Variants in CATSPERE observed in about 807,000 individuals in gnomAD.
CATSPERE encodes the protein cation channel sperm-associated auxiliary subunit epsilon.
A neutral mutation model predicts 114.1 loss-of-function variants in CATSPERE; 93 were observed. The observed-to-expected ratio is 0.81, with a 90% CI of 0.69 to 0.97. CATSPERE has a LOEUF of 0.97. Ranked by LOEUF, CATSPERE falls within the 50% of genes least tolerant of loss-of-function variation. The pLI, the probability that CATSPERE is intolerant of heterozygous loss-of-function variation, is 0.00. For synonymous variants in CATSPERE, 341 were observed against 384.1 expected, an observed-to-expected ratio of 0.89 and a Z score of 1.31; for missense variants, 1,058 against 1,131.6, an observed-to-expected ratio of 0.93 and a Z score of 0.93.
chr1:244,589,249 T>C (rs1382358231), intron 14 of CATSPERE, among the ~76,000 whole-genome samples: 1 of 152,156 alleles, frequency 6.6e-6, no homozygotes, highest in Non-Finnish European at 1.5e-5. Flanking sequence ...CGGGGAACAT[T>C]GACTCTTATC....
At position 244,487,986 on chromosome 1, in the gene CATSPERE, A is replaced by T. The variant is rs560548975; in HGVS notation, c.327-2461A>T. 2.0e-5 allele frequency among the ~76,000 whole-genome samples: 3 copies of T among 152,288 alleles called. No homozygotes were observed. In the South Asian group the frequency reaches 6.2e-4, roughly 32 times the overall value. On this transcript the variant is annotated intron_variant, in intron 5 of 21. Transcript: ENST00000366534. ...CTCGACACCTATTGACTCTGCCCCC[A>T]AACCAGAGTTCTGACACTAGAAAGA...
intron 11 of CATSPERE, among the ~76,000 whole-genome samples, chr1:244,578,728 T>C (rs999579638): frequency 4.7e-5 from 7 of 149,256 alleles, no homozygotes; most frequent in East Asian, 2.0e-4. Context: ...TATATATATA[T>C]ACACACACAT....
At chr1:244,618,489 A>G (rs1021645563) in intron 20 of CATSPERE, among the ~76,000 whole-genome samples, 1 of 152,198 alleles carries the variant, frequency 6.6e-6, no homozygotes, top group African/African-American at 2.4e-5. Flanking sequence ...AATGGTGCAG[A>G]AGAAAAATAG....
intron 8 of CATSPERE, among the ~76,000 whole-genome samples, chr1:244,543,814 A>G (rs1659281182): frequency 6.6e-6 from 1 of 151,946 alleles, no homozygotes; most frequent in Admixed American, 6.6e-5. Flanking sequence ...ACCTACTTAA[A>G]AGAACTTATA....
chr1:244,452,002 A>AG (rs1055501344), upstream of CATSPERE: 15 of 558,428 alleles, frequency 2.7e-5, no homozygotes, highest in Non-Finnish European at 4.1e-5. Flanking sequence ...AGCCCGCTCA[A>AG]GGGGGTACCA....
Position 244,530,731 on chromosome 1 carries a change from A to G in CATSPERE, c.536+12033A>G, listed in dbSNP as rs185713917. 2.2e-3 allele frequency among the ~76,000 whole-genome samples: 341 copies of G among 152,178 alleles called. 2 individuals are homozygous for G. Among genetic ancestry groups the G allele is most frequent in the Middle Eastern group, 6.8e-3 (2 of 294 alleles). ...TAGTTTTCATTGCAGAGATCTTTCA[A>G]TTCTTTGGTTAATTCCTATGTATTG... On this transcript the variant is annotated intron_variant, in intron 8 of 21. Transcript: ENST00000366534.
rs901298094 is a variant in CATSPERE, at chr1:244,607,109, C to T, written c.2403+1315C>T. ...CCATTATGCCTCAAGGTTAAACGCT[C>T]TAGATCCTTCTTCAATAAAAGTTCC... On this transcript the variant is annotated intron_variant, in intron 18 of 21. Transcript: ENST00000366534. This position sits in a 1 kb window ranked among gnomAD's most constrained non-coding sequence, Gnocchi z 4.4. Among the ~76,000 whole-genome samples the T allele has an allele frequency of 6.6e-6, 1 of 152,030 alleles. No individual in the cohort carries two copies. The highest frequency in any genetic ancestry group is 6.5e-5 in the Admixed American group (1 of 15,278).
At chr1:244,618,240 G>C (rs1011807223) in intron 20 of CATSPERE, among the ~76,000 whole-genome samples, 9 of 152,238 alleles carry the variant, frequency 5.9e-5, no homozygotes, top group African/African-American at 2.2e-4. Flanking sequence ...TAACGGAATG[G>C]AGCTAAACGT....
chr1:244,464,070 G>T (rs1363913767), intron 2 of CATSPERE, 114 bp downstream of exon 2: 3 of 782,712 alleles, frequency 3.8e-6, no homozygotes, highest in Admixed American at 2.2e-5. Flanking sequence ...CTTCTGTTTC[G>T]TTTCTTTCAT....
intron 20 of CATSPERE, among the ~76,000 whole-genome samples, chr1:244,631,938 C>T (rs887434564): frequency 6.6e-6 from 1 of 152,144 alleles, no homozygotes; most frequent in Non-Finnish European, 1.5e-5. Flanking sequence ...ACCCAGCAGT[C>T]GTACTCATTG....
At chr1:244,514,754 G>A (rs1676328045) in intron 7 of CATSPERE, among the ~76,000 whole-genome samples, 2 of 151,166 alleles carry the variant, frequency 1.3e-5, no homozygotes, top group South Asian at 4.2e-4. Flanking sequence ...GCATGAACCC[G>A]GGAGGTGGAG....
At chr1:244,545,083 T>C (rs1659510933) in intron 8 of CATSPERE, among the ~76,000 whole-genome samples, 1 of 152,172 alleles carries the variant, frequency 6.6e-6, no homozygotes, top group South Asian at 2.1e-4. Flanking sequence ...ATTATGTTGA[T>C]TGGACATAGT....
chr1:244,545,635 T>C (rs1157427831), intron 8 of CATSPERE, among the ~76,000 whole-genome samples: 3 of 152,190 alleles, frequency 2.0e-5, no homozygotes, highest in Non-Finnish European at 4.4e-5. Flanking sequence ...TGGCCTACTA[T>C]TGGGCTTTAG....
intron 8 of CATSPERE, among the ~76,000 whole-genome samples, chr1:244,523,067 C>T (rs1049777998): frequency 6.8e-6 from 1 of 147,842 alleles, no homozygotes; most frequent in African/African-American, 2.7e-5. Context: ...CCTTGATGGA[C>T]ATTGATGCAA....
intron 19 of CATSPERE, among the ~76,000 whole-genome samples, chr1:244,612,092 G>A (rs968751809): frequency 6.6e-6 from 1 of 152,024 alleles, no homozygotes; most frequent in African/African-American, 2.4e-5. Context: ...GAGTGCCCAC[G>A]CCAGGCCCTG....
chr1:244,505,784 A>T (rs950855867), intron 7 of CATSPERE, among the ~76,000 whole-genome samples: 7 of 152,144 alleles, frequency 4.6e-5, no homozygotes, highest in Non-Finnish European at 2.9e-5. Flanking sequence ...AGGTGGGTGG[A>T]TCACGAGGTC....
rs1361913671 is a variant in CATSPERE at position 244,575,471 on chromosome 1, G to C, written c.1950+2699G>C. 6.6e-6 allele frequency among the ~76,000 whole-genome samples: 1 copy of C among 152,188 alleles called. No individual in the cohort carries two copies. Among genetic ancestry groups the C allele is most frequent in the Non-Finnish European group, 1.5e-5 (1 of 68,034 alleles). ...TCTAACTTGCAGGCGTCCATGGCCA[G>C]CTGTCCTCCGAGGGTGGCAGGACGT... On this transcript the variant is annotated intron_variant, in intron 11 of 21. Transcript: ENST00000366534. This position sits in a 1 kb window ranked among gnomAD's most constrained non-coding sequence, Gnocchi z 4.5.
At chr1:244,621,299 A>AATATATTTATATAGATATATT (rs1672316870) in intron 20 of CATSPERE, among the ~76,000 whole-genome samples, 15 of 86,604 alleles carry the variant, frequency 1.7e-4, no homozygotes, top group African/African-American at 7.3e-4. Context: ...ATCTATATAA[A>AATATATTTATATAGATATATT]TATATAAATA....
At chr1:244,487,502 T>G (rs1217733631) in intron 5 of CATSPERE, among the ~76,000 whole-genome samples, 1 of 152,056 alleles carries the variant, frequency 6.6e-6, no homozygotes, top group East Asian at 1.9e-4. Flanking sequence ...GCAAGAGGTT[T>G]ACTCCTGCCA....
Sources: allele counts gnomAD v4.1 joint callset (sites outside exome capture counted in the v4.1 genomes callset), GRCh38; gene constraint gnomAD v4.1.1; non-coding constraint Gnocchi (gnomAD v3.1); transcripts MANE v1.5; gene names NCBI Gene and HGNC (gene_info 2026-07-23, HGNC 2026-07-21).